EXOC4: variants seen among roughly 807,000 people sequenced by gnomAD.
The protein encoded by EXOC4 is SEC8-like 1.
A neutral mutation model predicts 107.2 loss-of-function variants in EXOC4; 71 were observed. That is an observed-to-expected ratio of 0.66 (90% CI 0.55 to 0.81). The LOEUF is 0.81. Among genes scored for constraint, EXOC4 ranks in the 30% least tolerant of loss-of-function variants. The probability of loss-of-function intolerance (pLI) is 0.00; values close to 1 mark genes in which losing one functional copy is unlikely to be tolerated. For missense variants in EXOC4, 1,108 were observed against 1,189.6 expected (o/e 0.93, Z 1.01); for synonymous variants, 456 against 441.2 (o/e 1.03, Z -0.42).
At chr7:133,956,063 C>T (rs1372469518) in intron 14 of EXOC4, among the ~76,000 whole-genome samples, 1 of 152,238 alleles carries the variant, frequency 6.6e-6, no homozygotes, top group African/African-American at 2.4e-5. Context: ...CCCCCAAGAG[C>T]ACAGGGAGGC....
intron 11 of EXOC4, among the ~76,000 whole-genome samples, chr7:133,829,675 C>T (rs1797769813): frequency 6.6e-6 from 1 of 152,242 alleles, no homozygotes; most frequent in Admixed American, 6.5e-5. Context: ...CCCTCAAAGG[C>T]ATGACCAAAT....
intron 17 of EXOC4, among the ~76,000 whole-genome samples, chr7:134,059,423 T>G (rs1343421619): frequency 6.6e-6 from 1 of 152,080 alleles, no homozygotes; most frequent in Non-Finnish European, 1.5e-5. Context: ...TAAAAAGATA[T>G]CAACAATTCA....
intron 7 of EXOC4, among the ~76,000 whole-genome samples, chr7:133,390,879 G>T (rs1322375954): frequency 6.6e-6 from 1 of 152,166 alleles, no homozygotes; most frequent in Admixed American, 6.6e-5. Flanking sequence ...AGTTGCAGAA[G>T]GATGGCAAAA....
chr7:133,436,517 C>G (rs1224534381), intron 7 of EXOC4, among the ~76,000 whole-genome samples: 1 of 151,324 alleles, frequency 6.6e-6, no homozygotes, highest in Non-Finnish European at 1.5e-5. Context: ...AAAAAAAACC[C>G]TAATATTATC....
At chr7:133,989,736 TGTGGC>T (rs1431354740) in intron 14 of EXOC4, among the ~76,000 whole-genome samples, 1 of 152,154 alleles carries the variant, frequency 6.6e-6, no homozygotes, top group East Asian at 1.9e-4. Flanking sequence ...AGAGTCAGAT[TGTGGC>T]ACACTGAAGA....
At chr7:133,434,491 T>A (rs1797924088) in intron 7 of EXOC4, among the ~76,000 whole-genome samples, 1 of 152,226 alleles carries the variant, frequency 6.6e-6, no homozygotes, top group Non-Finnish European at 1.5e-5. Context: ...CTCTTTCTGT[T>A]ACTACAAACT....
At chr7:134,092,070 G>A in the EXOC4 span, among the ~76,000 whole-genome samples, 34 of 152,072 alleles carry the variant, frequency 2.2e-4, no homozygotes, top group African/African-American at 7.0e-4. Flanking sequence ...TTGGATAAGG[G>A]ATATGTGACT....
chr7:134,017,336 A>T (rs1419672094), intron 17 of EXOC4, among the ~76,000 whole-genome samples: 1 of 152,180 alleles, frequency 6.6e-6, no homozygotes, highest in Admixed American at 6.5e-5. Context: ...AATAGTGATA[A>T]AAAGCTAACC....
intron 7 of EXOC4, among the ~76,000 whole-genome samples, chr7:133,415,870 A>G (rs1221154995): frequency 6.6e-6 from 1 of 152,208 alleles, no homozygotes; most frequent in Admixed American, 6.5e-5. Context: ...AAAACATAAT[A>G]CAAGTTGCAG....
intron 13 of EXOC4, chr7:133,930,311 G>A (rs892681477): frequency 1.1e-4 from 16 of 152,176 alleles, no homozygotes; most frequent in Non-Finnish European, 2.1e-4. Context: ...TATACCTAGT[G>A]TTGCTTGACA....
chr7:133,703,750 G>C (rs2151089545), intron 10 of EXOC4, among the ~76,000 whole-genome samples: 1 of 152,188 alleles, frequency 6.6e-6, no homozygotes, highest in South Asian at 2.1e-4. Context: ...ATTCCTGTAG[G>C]AGCTGTCTCA....
chr7:133,770,537 G>T (rs1796224507), intron 10 of EXOC4, among the ~76,000 whole-genome samples: 1 of 151,938 alleles, frequency 6.6e-6, no homozygotes, highest in African/African-American at 2.4e-5. Context: ...CACTTAATCA[G>T]ATTTGTATTC....
chr7:133,796,585 C>G (rs1796820106), intron 10 of EXOC4, among the ~76,000 whole-genome samples: 1 of 152,022 alleles, frequency 6.6e-6, no homozygotes, highest in African/African-American at 2.4e-5. Context: ...TGGTGAAACC[C>G]CATCTCTACA....
chr7:133,459,079 T>G (rs1344554299), intron 7 of EXOC4, among the ~76,000 whole-genome samples: 1 of 152,232 alleles, frequency 6.6e-6, no homozygotes, highest in Non-Finnish European at 1.5e-5. Flanking sequence ...ACTGTTGCTG[T>G]CTTCTCTGTA....
At chr7:133,277,156 T>C (rs1794015291) in intron 2 of EXOC4, among the ~76,000 whole-genome samples, 2 of 152,220 alleles carry the variant, frequency 1.3e-5, no homozygotes. Context: ...AGGAATACTA[T>C]AATTCTTTGC....
chr7:133,531,372 A>C (rs1800178430), intron 9 of EXOC4, among the ~76,000 whole-genome samples: 1 of 152,168 alleles, frequency 6.6e-6, no homozygotes, highest in African/African-American at 2.4e-5. Flanking sequence ...GTTCTGATGT[A>C]ATAAACCGTT....
chr7:133,262,293 G>T (rs758437960), intron 1 of EXOC4, among the ~76,000 whole-genome samples: 1 of 152,084 alleles, frequency 6.6e-6, no homozygotes, highest in Non-Finnish European at 1.5e-5. Context: ...TTGAGCTCAG[G>T]AGTTCAAGTC....
chr7:133,972,584 T>C (rs1801267846), intron 14 of EXOC4, among the ~76,000 whole-genome samples: 1 of 152,200 alleles, frequency 6.6e-6, no homozygotes, highest in Non-Finnish European at 1.5e-5. Context: ...TCAAAGTAAA[T>C]TTGAAAATAT....
At chr7:133,584,309 G>A (rs1373741034) in intron 9 of EXOC4, among the ~76,000 whole-genome samples, 2 of 152,096 alleles carry the variant, frequency 1.3e-5, no homozygotes, top group East Asian at 3.9e-4. Context: ...ACCCCTGCAG[G>A]TGAGGGATTT....
Sources: gnomAD v4.1 joint callset for allele counts (sites outside exome capture counted in the v4.1 genomes callset) on GRCh38, gnomAD v4.1.1 for gene constraint, MANE v1.5 for transcripts, NCBI Gene and HGNC (gene_info 2026-07-23, HGNC 2026-07-21) for gene names.